The following NUP160 variants were observed in gnomAD, a reference collection of about 807,000 sequenced individuals.
NUP160 encodes the protein nucleoporin 160, also known as nuclear pore complex protein Nup160.
Under a neutral mutation model 196.9 loss-of-function variants are expected in NUP160, and 94 were observed. The observed-to-expected ratio is 0.48, with a 90% CI of 0.40 to 0.57. The LOEUF is 0.57. Ranked by LOEUF, NUP160 falls within the 20% of genes least tolerant of loss-of-function variation. The probability of loss-of-function intolerance (pLI) is 0.00; values close to 1 mark genes in which losing one functional copy is unlikely to be tolerated. For missense variants in NUP160, 1,638 were observed against 1,748.3 expected (o/e 0.94, Z 1.13); for synonymous variants, 605 against 619.7 (o/e 0.98, Z 0.35).
chr11:47,783,206 A>AAGTCAG lies in NUP160; in HGVS notation c.3991-14_3991-9dup. 6.2e-7 allele frequency: 1 copy of AAGTCAG among 1,612,702 alleles called. No individual in the cohort carries two copies. Among genetic ancestry groups the AAGTCAG allele is most frequent in the Non-Finnish European group, 8.5e-7 (1 of 1,179,484 alleles). On this transcript the variant is annotated splice_polypyrimidine_tract_variant and intron_variant, in intron 33 of 35. Transcript: ENST00000378460. ...TTCAGCAGCATCAACCTTCTGTGAA[A>AAGTCAG]AGTCAGTGATTAAGAATATGTACCT...
intron 35 of NUP160, among the ~76,000 whole-genome samples, chr11:47,780,127 T>C (rs2097659816): frequency 6.6e-6 from 1 of 152,220 alleles, no homozygotes; most frequent in Non-Finnish European, 1.5e-5. Context: ...CATTTGTCTC[T>C]GTATAATTAA....
At chr11:47,799,699 C>A (rs1460009730) in intron 23 of NUP160, among the ~76,000 whole-genome samples, 2 of 151,962 alleles carry the variant, frequency 1.3e-5, no homozygotes, top group African/African-American at 4.8e-5. Flanking sequence ...GCATGCACCA[C>A]CATGCCCAGG....
chr11:47,780,017 A>ACTGC (rs1316441939), intron 35 of NUP160, among the ~76,000 whole-genome samples: 1 of 152,220 alleles, frequency 6.6e-6, no homozygotes, highest in Non-Finnish European at 1.5e-5. Context: ...GGCGTGAGCC[A>ACTGC]CTGCGCCCGG....
Position 47,822,243 on chromosome 11 carries a change from AG to A in NUP160, c.1102-80del, listed in dbSNP as rs570166987. 5.0e-5 allele frequency: 51 copies of A among 1,015,170 alleles called. No homozygotes were observed. In the South Asian group the frequency reaches 7.2e-4, roughly 14 times the overall value. 62.9% of individuals were successfully genotyped at this position (1,015,170 alleles called of 1,614,324 possible). A position where few individuals can be genotyped will look rare whatever the true frequency, so the allele number is the denominator to read the frequency against. On this transcript the variant is annotated intron_variant, in intron 7 of 35. Coordinates refer to ENST00000378460, the Ensembl canonical transcript of NUP160. The stretch of plus-strand genomic sequence containing the variant: ...TTCGAAGCAAGGGCTATTACCATTC[AG>A]AAACCTTTAAAAAAAAATTTTTTTT...
chr11:47,830,452 G>A (rs541597812), intron 7 of NUP160, among the ~76,000 whole-genome samples: 45 of 152,168 alleles, frequency 3.0e-4, no homozygotes, highest in Middle Eastern at 3.4e-3. Context: ...CAAAGACATA[G>A]AATCAACCTA....
At chr11:47,845,518 A>T (rs1468403149) in intron 2 of NUP160, among the ~76,000 whole-genome samples, 1 of 152,168 alleles carries the variant, frequency 6.6e-6, no homozygotes, top group East Asian at 1.9e-4. Flanking sequence ...GAGATCCAAG[A>T]ACCCTCCCTT....
chr11:47,798,939 AT>A (rs1178913985), intron 23 of NUP160, among the ~76,000 whole-genome samples: 2 of 144,444 alleles, frequency 1.4e-5, no homozygotes, highest in Non-Finnish European at 3.0e-5. Flanking sequence ...CATCTCTATT[AT>A]TAAAAAAAAA....
intron 18 of NUP160, among the ~76,000 whole-genome samples, chr11:47,807,532 TG>T: frequency 6.6e-6 from 1 of 152,166 alleles, no homozygotes. Context: ...CCAGGTGTGA[TG>T]GCAGGCGCCT....
chr11:47,793,090 G>A (rs1173775281), intron 27 of NUP160, 144 bp from the exon 28 acceptor site: 4 of 568,268 alleles, frequency 7.0e-6, no homozygotes, highest in South Asian at 4.5e-5. Flanking sequence ...TGGTTCAAGC[G>A]ATTCTCCTGC....
intron 27 of NUP160, chr11:47,796,046 C>T (rs1008793354): frequency 6.0e-5 from 11 of 184,228 alleles, no homozygotes; most frequent in African/African-American, 2.1e-4. Flanking sequence ...CCCAGCTACT[C>T]GGGAGGCTGG....
At chr11:47,823,328 CTA>C (rs1264793200) in intron 7 of NUP160, among the ~76,000 whole-genome samples, 1 of 152,150 alleles carries the variant, frequency 6.6e-6, no homozygotes, top group African/African-American at 2.4e-5. Flanking sequence ...AACTAAAACT[CTA>C]TACTCAATAA....
intron 9 of NUP160, chr11:47,820,116 A>AGTG (rs984319532): frequency 6.6e-6 from 1 of 152,232 alleles, no homozygotes; most frequent in African/African-American, 2.4e-5. Context: ...CAATTAGTTC[A>AGTG]GTGGTCTTCA....
chr11:47,790,641 C>G (rs1166048039), intron 29 of NUP160, among the ~76,000 whole-genome samples: 3 of 152,164 alleles, frequency 2.0e-5, no homozygotes, highest in Non-Finnish European at 4.4e-5. Flanking sequence ...GTAGTCCCAG[C>G]ACTGTGGGAG....
intron 2 of NUP160, among the ~76,000 whole-genome samples, chr11:47,840,997 A>T (rs1000346014): frequency 5.4e-5 from 8 of 148,568 alleles, no homozygotes; most frequent in African/African-American, 7.6e-5. Context: ...AACCTGCAAT[A>T]GCATGCATGC....
chr11:47,835,844 G>C, intron 6 of NUP160, 35 bp from the exon 7 acceptor site: 1 of 1,487,896 alleles, frequency 6.7e-7, no homozygotes. Context: ...TGATATTCAA[G>C]GGATATTCAG....
intron 4 of NUP160, among the ~76,000 whole-genome samples, chr11:47,838,273 T>G (rs190635564): frequency 6.6e-6 from 1 of 152,310 alleles, no homozygotes; most frequent in African/African-American, 2.4e-5. Flanking sequence ...TCCTGGCATA[T>G]TCAAGGAATT....
At chr11:47,825,708 C>T (rs567708269) in intron 7 of NUP160, among the ~76,000 whole-genome samples, 133 of 152,230 alleles carry the variant, frequency 8.7e-4, no homozygotes, top group African/African-American at 2.8e-3. Context: ...CCACCTCGGC[C>T]TCCCAAAATG....
intron 34 of NUP160, 79 bp downstream of exon 34, chr11:47,782,994 C>T: frequency 8.5e-7 from 1 of 1,179,382 alleles, no homozygotes; most frequent in Non-Finnish European, 1.2e-6. Context: ...CATAAATGTT[C>T]ATCACTTTCA....
intron 34 of NUP160, 149 bp from the exon 35 acceptor site, chr11:47,780,596 G>A: frequency 2.0e-6 from 1 of 491,438 alleles, no homozygotes; most frequent in Non-Finnish European, 3.7e-6. Context: ...GAGTGCAGTG[G>A]CACAATCTCA....
Sources: allele counts gnomAD v4.1 joint callset (sites outside exome capture counted in the v4.1 genomes callset), GRCh38; gene constraint gnomAD v4.1.1; transcripts MANE v1.5; gene names NCBI Gene and HGNC (gene_info 2026-07-23, HGNC 2026-07-21).